Variants in NT5DC4 observed in about 807,000 individuals in gnomAD.
The protein encoded by NT5DC4 is 5'-nucleotidase domain-containing protein 4.
In NT5DC4, 44 loss-of-function variants were observed where a neutral mutation model predicts 26.6. The ratio of observed to expected loss-of-function variants is 1.65; its 90% confidence interval spans 1.30 to 2.13. The LOEUF (loss-of-function observed/expected upper bound fraction) is 2.13. Among genes scored for constraint, NT5DC4 ranks in the 30% most tolerant of loss-of-function variants. The pLI, the probability that NT5DC4 is intolerant of heterozygous loss-of-function variation, is 0.00. For missense variants in NT5DC4, 399 were observed against 228.1 expected, an observed-to-expected ratio of 1.75 and a Z score of -4.83; for synonymous variants, 157 against 86.7, an observed-to-expected ratio of 1.81 and a Z score of -4.51.
chr2:112,742,241 G>A (rs547117799), downstream of NT5DC4, among the ~76,000 whole-genome samples: 1 of 152,286 alleles, frequency 6.6e-6, no homozygotes, highest in East Asian at 1.9e-4. Flanking sequence ...CACAATATAT[G>A]TCTCATAGAA....
At chr2:112,737,339 C>T (rs1335256003) in intron 16 of NT5DC4, 3 of 152,162 alleles carry the variant, frequency 2.0e-5, no homozygotes, top group African/African-American at 7.2e-5. Flanking sequence ...GTCTACACGC[C>T]CACAAACAGT....
chr2:112,730,632 G>A (rs1678378132), intron 16 of NT5DC4, among the ~76,000 whole-genome samples: 1 of 152,148 alleles, frequency 6.6e-6, no homozygotes, highest in South Asian at 2.1e-4. Flanking sequence ...CCAAAACCCT[G>A]CATAAATGTT....
At chr2:112,727,157 A>C in intron 15 of NT5DC4, 1 of 209,216 alleles carries the variant, frequency 4.8e-6, no homozygotes, top group Non-Finnish European at 1.0e-5. Flanking sequence ...GCCACCAAAA[A>C]GCTGGAGGTG....
At position 112,728,616 on chromosome 2, in the gene NT5DC4, C is replaced by T. The variant is rs201357521; in HGVS notation, c.1267-1011C>T. On this transcript the variant is annotated intron_variant, in intron 15 of 16. Coordinates refer to ENST00000688554, the MANE Select transcript of NT5DC4 (RefSeq NM_001393655.1). ...TGAGGCTCCCTGTCGCCTGCCTTCCCTGCTGCCCTTGGCTGCCTTCCAGAC... is the reference window on the plus strand; with the variant it reads ...TGAGGCTCCCTGTCGCCTGCCTTCCTTGCTGCCCTTGGCTGCCTTCCAGAC... 1.3e-4 allele frequency among the ~76,000 whole-genome samples: 20 copies of T among 152,384 alleles called. No individual in the cohort carries two copies. In the East Asian group the frequency reaches 3.7e-3, roughly 28 times the overall value.
downstream of NT5DC4, among the ~76,000 whole-genome samples, chr2:112,741,203 A>T (rs959677237): frequency 6.6e-6 from 1 of 152,126 alleles, no homozygotes; most frequent in South Asian, 2.1e-4. Context: ...GTGTCTTGCT[A>T]CATCAGGCTA....
downstream of NT5DC4, among the ~76,000 whole-genome samples, chr2:112,742,155 T>C (rs904285645): frequency 1.3e-5 from 2 of 152,128 alleles, no homozygotes; most frequent in African/African-American, 2.4e-5. Flanking sequence ...CCAATTTATT[T>C]TCTAAAGATA....
chr2:112,721,377 C>T (rs560250977), intron 1 of NT5DC4: 19 of 676,546 alleles, frequency 2.8e-5, no homozygotes, highest in East Asian at 5.4e-5. Flanking sequence ...CTTCCCTCCA[C>T]GAAGATCTCT....
downstream of NT5DC4, chr2:112,740,753 G>A: frequency 7.3e-7 from 1 of 1,366,106 alleles, no homozygotes; most frequent in Non-Finnish European, 1.0e-6. Context: ...ATCTGTGAAG[G>A]AAAAATCGAG....
Position 112,726,220 on chromosome 2 carries a change from C to A in NT5DC4, c.1154-18C>A, listed in dbSNP as rs750415838. 3 of 717,074 alleles carry A rather than the reference C, an allele frequency of 4.2e-6. No homozygotes were observed. The highest frequency in any genetic ancestry group is 3.0e-5 in the South Asian group (2 of 67,598). The allele number at this position is 717,074 out of a possible 1,614,324, so 44.4% of individuals were successfully genotyped here. A position where few individuals can be genotyped will look rare whatever the true frequency, so the allele number is the denominator to read the frequency against. ...ACAGGCCGTCACTCACCCCCACTGA[C>A]CCCTGGTGGCTTTTCAGAGCGGTTG... On this transcript the variant is annotated intron_variant, in intron 13 of 16. Transcript: ENST00000688554.
At chr2:112,740,519 G>A (rs1679850668), downstream of NT5DC4, among the ~76,000 whole-genome samples, 1 of 152,146 alleles carries the variant, frequency 6.6e-6, no homozygotes, top group African/African-American at 2.4e-5. Flanking sequence ...TTCTCCCACA[G>A]CTACAGAGTT....
In NT5DC4 at chr2:112,729,666, C is replaced by A; in HGVS notation, c.1306C>A (p.Leu436Ile). The A allele has an allele frequency of 2.8e-6, 2 of 717,958 alleles. No individual in the cohort carries two copies. The highest frequency in any genetic ancestry group is 5.2e-6 in the Non-Finnish European group (2 of 385,176). 44.5% of individuals were successfully genotyped at this position (717,958 alleles called of 1,614,324 possible). ...ESVVEQEQAN[L>I]DPASCLLSCN... Reference sequence around the variant, plus strand: ...AGTTGTGGAGCAAGAACAGGCCAATCTAGACCCTGCCTCCTGCCTCCTCTC... The same window carrying A: ...AGTTGTGGAGCAAGAACAGGCCAATATAGACCCTGCCTCCTGCCTCCTCTC... Residue 436 changes from leucine to isoleucine, a missense_variant, in exon 16 of 17, where the codon CTA becomes ATA. Leu to Ile is a conservative substitution (Grantham distance 5, BLOSUM62 2). Transcript: ENST00000688554.
At chr2:112,731,960 T>C (rs1253591559) in intron 16 of NT5DC4, among the ~76,000 whole-genome samples, 1 of 149,360 alleles carries the variant, frequency 6.7e-6, no homozygotes, top group Non-Finnish European at 1.5e-5. Context: ...TCTCATTCTG[T>C]CACCCAGGCT....
At chr2:112,737,803 C>A (rs981480214) in intron 16 of NT5DC4, 2 of 152,142 alleles carry the variant, frequency 1.3e-5, no homozygotes, top group African/African-American at 4.8e-5. Flanking sequence ...TATCCTTAGA[C>A]AAACTCCTAA....
At chr2:112,738,221 TTG>T (rs1192936689) in intron 16 of NT5DC4, 4 of 152,250 alleles carry the variant, frequency 2.6e-5, no homozygotes, top group African/African-American at 7.2e-5. Context: ...CAATTCAGGA[TTG>T]TGTTTCATCT....
chr2:112,719,901 TC>T (rs1349468644), upstream of NT5DC4, among the ~76,000 whole-genome samples: 16 of 105,504 alleles, frequency 1.5e-4, no homozygotes, highest in African/African-American at 1.1e-4. Flanking sequence ...TTTCTTTCTT[TC>T]TTTTTCTTTC....
chr2:112,724,430 A>T, intron 10 of NT5DC4: 1 of 575,382 alleles, frequency 1.7e-6, no homozygotes, highest in Non-Finnish European at 3.1e-6. Flanking sequence ...TGGGAGTGAC[A>T]GGTCCTGGGC....
intron 16 of NT5DC4, chr2:112,738,608 T>C (rs1679562363): frequency 1.8e-6 from 1 of 561,780 alleles, no homozygotes; most frequent in Non-Finnish European, 3.1e-6. Context: ...AATTTATGTA[T>C]ACTGTAAAAC....
chr2:112,733,196 C>G lies in NT5DC4; in HGVS notation c.1344+3492C>G, dbSNP rs1351917844. On this transcript the variant is annotated intron_variant, in intron 16 of 16. Transcript: ENST00000688554. Reference sequence around the variant, plus strand: ...CATATCCTTAGACAAACTCCTAATTCTGTATCTGTCCTACCTCATGGGTAG... The same window carrying G: ...CATATCCTTAGACAAACTCCTAATTGTGTATCTGTCCTACCTCATGGGTAG... Among the ~76,000 whole-genome samples the G allele has an allele frequency of 2.6e-5, 4 of 151,712 alleles. No homozygotes were observed. In the East Asian group the frequency reaches 7.7e-4, roughly 29 times the overall value.
Position 112,722,279 on chromosome 2 carries a change from G to C in NT5DC4, c.362+1G>C. 1.4e-6 allele frequency: 1 copy of C among 717,054 alleles called. No homozygotes were observed. The highest frequency in any genetic ancestry group is 2.6e-6 in the Non-Finnish European group (1 of 385,086). The allele number at this position is 717,054 out of a possible 1,614,324, so 44.4% of individuals were successfully genotyped here. A position where few individuals can be genotyped will look rare whatever the true frequency, so the allele number is the denominator to read the frequency against. On this transcript the variant is annotated splice_donor_variant, in intron 4 of 16. Transcript: ENST00000688554. LOFTEE classifies it high-confidence loss of function. ...CCTATGGCTTCACCTTCCTCTCGGA[G>C]TAAGGGACAAAGGTGCCGGGAGAGT...
Sources: gnomAD v4.1 joint callset for allele counts (sites outside exome capture counted in the v4.1 genomes callset) on GRCh38, gnomAD v4.1.1 for gene constraint, MANE v1.5 for transcripts, NCBI Gene and HGNC (gene_info 2026-07-23, HGNC 2026-07-21) for gene names.